Variants in GRIA1 observed in about 807,000 individuals in gnomAD.
GRIA1 encodes glutamate ionotropic receptor AMPA type subunit 1, also known as glutamate receptor 1.
In GRIA1, 31 loss-of-function variants were observed where a neutral mutation model predicts 99.2. The observed-to-expected ratio is 0.31, with a 90% CI of 0.23 to 0.42. The LOEUF is 0.42. Ranked by LOEUF, GRIA1 falls within the 10% of genes least tolerant of loss-of-function variation. The pLI is 1.00. For synonymous variants in GRIA1, 438 were observed against 432.4 expected (o/e 1.01, Z -0.16); for missense variants, 782 against 1,157.5 (o/e 0.68, Z 4.71).
At chr5:153,788,079 C>G (rs1045081710) in intron 13 of GRIA1, among the ~76,000 whole-genome samples, 1 of 94,536 alleles carries the variant, frequency 1.1e-5, no homozygotes, top group African/African-American at 4.8e-5. Flanking sequence ...GACTCCTTCT[C>G]AAAAAGAAAA....
chr5:153,499,251 T>C (rs531181632), intron 2 of GRIA1, among the ~76,000 whole-genome samples: 106 of 152,070 alleles, frequency 7.0e-4, no homozygotes, highest in Non-Finnish European at 1.4e-3. Flanking sequence ...ATGCAACAAA[T>C]AAAAACCTAA....
chr5:153,508,728 A>G (rs1755776148), intron 2 of GRIA1, among the ~76,000 whole-genome samples: 1 of 152,248 alleles, frequency 6.6e-6, no homozygotes, highest in Admixed American at 6.5e-5. Flanking sequence ...TGTGTCAGTC[A>G]GTTTTTGCTG....
intron 11 of GRIA1, among the ~76,000 whole-genome samples, chr5:153,747,651 A>G (rs1015514827): frequency 2.0e-5 from 3 of 152,234 alleles, no homozygotes. Context: ...TCCACACCAT[A>G]GTACAGGCTG....
chr5:153,575,597 A>C (rs936492234), intron 2 of GRIA1, among the ~76,000 whole-genome samples: 1 of 152,214 alleles, frequency 6.6e-6, no homozygotes, highest in African/African-American at 2.4e-5. Flanking sequence ...AAGAGGGAAC[A>C]GGGCTTTCCC....
chr5:153,596,481 G>C (rs1764440779), intron 2 of GRIA1, among the ~76,000 whole-genome samples: 1 of 152,172 alleles, frequency 6.6e-6, no homozygotes, highest in African/African-American at 2.4e-5. Context: ...GTTACAACAG[G>C]TATTACATAG....
chr5:153,770,149 T>A lies in GRIA1; in HGVS notation c.2023-19T>A. 1 of 1,611,474 alleles carries A rather than the reference T, an allele frequency of 6.2e-7. No homozygotes were observed. The highest frequency in any genetic ancestry group is 8.5e-7 in the Non-Finnish European group (1 of 1,177,794). ...ATTCCAAGCGCACTTAATTCCAGCTTTGTTTCTGTCCCTACCAGAGGTCTA... is the reference window on the plus strand; with the variant it reads ...ATTCCAAGCGCACTTAATTCCAGCTATGTTTCTGTCCCTACCAGAGGTCTA... On this transcript the variant is annotated intron_variant, in intron 12 of 15. Coordinates refer to ENST00000285900, the MANE Select transcript of GRIA1 (RefSeq NM_000827.4).
chr5:153,717,641 G>A (rs1025536611), intron 11 of GRIA1, among the ~76,000 whole-genome samples: 1 of 152,150 alleles, frequency 6.6e-6, no homozygotes, highest in Non-Finnish European at 1.5e-5. Flanking sequence ...GAAACACACA[G>A]AGTGTAAAAT....
At chr5:153,562,057 T>C (rs185940386) in intron 2 of GRIA1, among the ~76,000 whole-genome samples, 15 of 152,058 alleles carry the variant, frequency 9.9e-5, no homozygotes, top group East Asian at 7.7e-4. Flanking sequence ...GAAAGATGCA[T>C]TGGGGGGTAA....
At chr5:153,642,912 T>C (rs978298714) in intron 2 of GRIA1, among the ~76,000 whole-genome samples, 2 of 152,188 alleles carry the variant, frequency 1.3e-5, no homozygotes, top group African/African-American at 4.8e-5. Context: ...TTAAAAGTTG[T>C]GTCTTAACAC....
At chr5:153,607,048 T>TAG (rs1561684186) in intron 2 of GRIA1, among the ~76,000 whole-genome samples, 5 of 145,406 alleles carry the variant, frequency 3.4e-5, no homozygotes, top group Non-Finnish European at 6.1e-5. Context: ...AAAAGATATA[T>TAG]ATATATATAT....
chr5:153,505,378 A>G (rs1755398575), intron 2 of GRIA1, among the ~76,000 whole-genome samples: 1 of 152,148 alleles, frequency 6.6e-6, no homozygotes, highest in Non-Finnish European at 1.5e-5. Flanking sequence ...TTCCTGCTTC[A>G]TTAATGTCAC....
chr5:153,725,312 A>G (rs910649212), intron 11 of GRIA1, among the ~76,000 whole-genome samples: 13 of 151,742 alleles, frequency 8.6e-5, no homozygotes, highest in Non-Finnish European at 1.8e-4. Context: ...TGTAAAGACC[A>G]TCAAGGCTAG....
At chr5:153,667,984 G>T (rs139210402) in intron 5 of GRIA1, among the ~76,000 whole-genome samples, 45 of 152,250 alleles carry the variant, frequency 3.0e-4, no homozygotes, top group African/African-American at 1.1e-3. Flanking sequence ...CCCCATCATT[G>T]TACTCAAATG....
intron 15 of GRIA1, among the ~76,000 whole-genome samples, chr5:153,804,647 G>A (rs1002602279): frequency 1.3e-5 from 2 of 152,196 alleles, no homozygotes; most frequent in African/African-American, 4.8e-5. Flanking sequence ...GAACGTCTGG[G>A]CATAAATTCT....
intron 2 of GRIA1, among the ~76,000 whole-genome samples, chr5:153,621,945 C>T (rs1767090638): frequency 6.6e-6 from 1 of 152,112 alleles, no homozygotes; most frequent in African/African-American, 2.4e-5. Context: ...TGCAAATACA[C>T]CTTACAGGAT....
At chr5:153,772,242 A>G (rs959204114) in intron 13 of GRIA1, among the ~76,000 whole-genome samples, 1 of 152,140 alleles carries the variant, frequency 6.6e-6, no homozygotes, top group Non-Finnish European at 1.5e-5. Flanking sequence ...TATGGCTGGG[A>G]AGACAGGTCC....
chr5:153,561,819 A>G (rs937209), intron 2 of GRIA1, among the ~76,000 whole-genome samples: 150,683 of 152,286 alleles, frequency 0.99, 74,578 homozygotes, highest in East Asian at 1. Flanking sequence ...GGGGGCAATC[A>G]CTTCCACCAG....
intron 11 of GRIA1, among the ~76,000 whole-genome samples, chr5:153,735,995 A>C (rs1304462711): frequency 1.3e-5 from 2 of 152,190 alleles, no homozygotes; most frequent in Non-Finnish European, 2.9e-5. Flanking sequence ...GGTGAGGGAG[A>C]AGATCCAGAC....
intron 2 of GRIA1, among the ~76,000 whole-genome samples, chr5:153,538,215 G>A (rs539065695): frequency 2.0e-4 from 30 of 152,116 alleles, no homozygotes; most frequent in African/African-American, 6.0e-4. Flanking sequence ...GGAAGTAGGG[G>A]GAATTGTGCT....
Sources: allele counts gnomAD v4.1 joint callset (sites outside exome capture counted in the v4.1 genomes callset), GRCh38; gene constraint gnomAD v4.1.1; transcripts MANE v1.5; gene names NCBI Gene and HGNC (gene_info 2026-07-23, HGNC 2026-07-21).